Variants in APLF observed in about 807,000 individuals in gnomAD.
APLF encodes aprataxin and PNKP like factor.
Under a neutral mutation model 55.6 loss-of-function variants are expected in APLF, and 61 were observed. The observed-to-expected ratio is 1.10, with a 90% confidence interval of 0.89 to 1.36. The LOEUF (loss-of-function observed/expected upper bound fraction) is 1.36, where lower values mean the gene tolerates loss of function less well. APLF is among the 40% of genes most tolerant of loss of function. APLF has a pLI of 0.00. For missense variants in APLF, 611 were observed against 602.5 expected (o/e 1.01, Z -0.15); for synonymous variants, 207 against 214.8 (o/e 0.96, Z 0.32).
chr2:68,522,059 CT>C (rs1411306699), intron 5 of APLF, among the ~76,000 whole-genome samples: 2 of 151,750 alleles, frequency 1.3e-5, no homozygotes, highest in Non-Finnish European at 2.9e-5. Context: ...CTCTTCTGAC[CT>C]ATCTACTGCT....
chr2:68,526,691 A>G (rs1262453703), intron 6 of APLF, among the ~76,000 whole-genome samples: 1 of 152,176 alleles, frequency 6.6e-6, no homozygotes, highest in Non-Finnish European at 1.5e-5. Flanking sequence ...CCTGCTCTCA[A>G]CTACAACATC....
chr2:68,539,204 A>C (rs1251236655), intron 7 of APLF, among the ~76,000 whole-genome samples: 1 of 152,216 alleles, frequency 6.6e-6, no homozygotes, highest in African/African-American at 2.4e-5. Context: ...CCATAATGTA[A>C]AAACTTGCAG....
intron 2 of APLF, among the ~76,000 whole-genome samples, chr2:68,500,030 GT>G (rs1219106056): frequency 6.6e-6 from 1 of 151,842 alleles, no homozygotes; most frequent in East Asian, 1.9e-4. Context: ...TTATGCCATT[GT>G]TTTCATTCCT....
intron 8 of APLF, among the ~76,000 whole-genome samples, chr2:68,557,783 A>G (rs1163991673): frequency 6.6e-6 from 1 of 151,998 alleles, no homozygotes; most frequent in Non-Finnish European, 1.5e-5. Context: ...TGGTGATGCA[A>G]ACCTGTAGTC....
chr2:68,572,366 T>G (rs1224789769), intron 9 of APLF, among the ~76,000 whole-genome samples: 1 of 152,190 alleles, frequency 6.6e-6, no homozygotes, highest in East Asian at 1.9e-4. Flanking sequence ...AATTTTCATC[T>G]TTAGGAATAT....
rs954381878 is a variant in APLF, at chr2:68,537,756, A to G, written c.805-116A>G. ...TGGCATTTAAGAACTTTAAAATGTG[A>G]ATCTTGAAGTTTTAAGTTTACATTT... On this transcript the variant is annotated intron_variant, in intron 6 of 9. Coordinates refer to ENST00000303795, the MANE Select transcript of APLF (RefSeq NM_173545.3). 4 of 725,608 alleles carry G rather than the reference A, an allele frequency of 5.5e-6. No individual in the cohort carries two copies. The Admixed American group carries it at 1.0e-4, about 18-fold the overall frequency. 44.9% of individuals were successfully genotyped at this position (725,608 alleles called of 1,614,324 possible).
At position 68,510,995 on chromosome 2, in the gene APLF, A is replaced by G. The variant is rs72901907; in HGVS notation, c.342-2085A>G. Among the ~76,000 whole-genome samples the G allele has an allele frequency of 6.5e-3, 989 of 151,940 alleles. 7 individuals are homozygous for G. Among genetic ancestry groups the G allele is most frequent in the African/African-American group, 0.023 (946 of 41,520 alleles). ...ATCTTTGGAGACAGAAGGTAGATTA[A>G]TGGTTGCGAGGAGCAGGAGGAAGAG... On this transcript the variant is annotated intron_variant, in intron 3 of 9. Coordinates refer to ENST00000303795, the MANE Select transcript of APLF (RefSeq NM_173545.3).
At chr2:68,479,591 G>C (rs11894861) in intron 1 of APLF, among the ~76,000 whole-genome samples, 36,046 of 152,152 alleles carry the variant, frequency 0.24, 6,830 homozygotes, top group African/African-American at 0.53. Flanking sequence ...ACTAAACACT[G>C]TGGCAGAAGG....
At chr2:68,501,751 T>C (rs939475787) in intron 2 of APLF, among the ~76,000 whole-genome samples, 1 of 152,212 alleles carries the variant, frequency 6.6e-6, no homozygotes, top group African/African-American at 2.4e-5. Context: ...GGGAGTTTCA[T>C]TTAAACAAAT....
At chr2:68,480,767 T>G (rs1162553049) in intron 1 of APLF, among the ~76,000 whole-genome samples, 1 of 152,188 alleles carries the variant, frequency 6.6e-6, no homozygotes, top group Non-Finnish European at 1.5e-5. Flanking sequence ...CATATGCCCT[T>G]TATTGTGTTG....
At chr2:68,495,899 T>C (rs1056898832) in intron 2 of APLF, among the ~76,000 whole-genome samples, 4 of 152,180 alleles carry the variant, frequency 2.6e-5, no homozygotes, top group Non-Finnish European at 4.4e-5. Context: ...CTTTGAGCCA[T>C]GGCTGGAGCC....
chr2:68,567,534 T>TAAA, intron 9 of APLF, 147 bp downstream of exon 9: 1 of 654,328 alleles, frequency 1.5e-6, no homozygotes, highest in Non-Finnish European at 2.5e-6. Flanking sequence ...TTTCTTATAT[T>TAAA]AAAAAAAAAC....
intron 8 of APLF, among the ~76,000 whole-genome samples, chr2:68,551,479 AT>A (rs1029242394): frequency 1.4e-4 from 21 of 151,932 alleles, no homozygotes; most frequent in African/African-American, 5.1e-4. Context: ...AACTAAACAT[AT>A]TTTAAACCCT....
chr2:68,564,126 T>A (rs1173308943), intron 8 of APLF, among the ~76,000 whole-genome samples: 1 of 152,088 alleles, frequency 6.6e-6, no homozygotes, highest in East Asian at 1.9e-4. Context: ...CTAATTATAC[T>A]TTAATAAAGA....
chr2:68,469,713 C>T (rs988132694), intron 1 of APLF, among the ~76,000 whole-genome samples: 2 of 152,132 alleles, frequency 1.3e-5, no homozygotes, highest in African/African-American at 4.8e-5. Context: ...CATAAGGGCT[C>T]CTGTTTCCAA....
chr2:68,564,780 A>G (rs910611924), intron 8 of APLF, among the ~76,000 whole-genome samples: 2 of 152,000 alleles, frequency 1.3e-5, no homozygotes, highest in African/African-American at 4.8e-5. Flanking sequence ...ATTTCTACCT[A>G]TAGAATGTTT....
intron 2 of APLF, among the ~76,000 whole-genome samples, chr2:68,494,296 A>G (rs986787356): frequency 4.6e-5 from 7 of 151,036 alleles, no homozygotes; most frequent in Non-Finnish European, 3.0e-5. Context: ...AAAAAAAAAA[A>G]AAAAAAGAAA....
chr2:68,551,754 C>CT (rs369676795), intron 8 of APLF, among the ~76,000 whole-genome samples: 197 of 141,260 alleles, frequency 1.4e-3, no homozygotes, highest in Middle Eastern at 3.6e-3. Flanking sequence ...GGTTCTGCTT[C>CT]TTTTTTTTTT....
intron 2 of APLF, among the ~76,000 whole-genome samples, chr2:68,498,122 G>A (rs1479005032): frequency 6.6e-6 from 1 of 152,180 alleles, no homozygotes; most frequent in Non-Finnish European, 1.5e-5. Flanking sequence ...AAATCAGAAT[G>A]AGATGGACAA....
Sources: gnomAD v4.1 joint callset for allele counts (sites outside exome capture counted in the v4.1 genomes callset) on GRCh38, gnomAD v4.1.1 for gene constraint, MANE v1.5 for transcripts, NCBI Gene and HGNC (gene_info 2026-07-23, HGNC 2026-07-21) for gene names.